The following ELAVL2 variants were observed in gnomAD, a reference collection of about 807,000 sequenced individuals.
ELAVL2 encodes ELAV-like protein 2.
ELAVL2 carries 4 observed loss-of-function variants against 34.6 expected under a neutral mutation model. The observed-to-expected ratio is 0.12, with a 90% confidence interval of 0.06 to 0.26. The LOEUF is 0.26. ELAVL2 is among the 10% of genes least tolerant of loss of function. The pLI, the probability that ELAVL2 is intolerant of heterozygous loss-of-function variation, is 1.00. For synonymous variants in ELAVL2, 193 were observed against 154.8 expected (o/e 1.25, Z -1.83); for missense variants, 432 against 442.8 (o/e 0.98, Z 0.22).
intron 2 of ELAVL2, among the ~76,000 whole-genome samples, chr9:23,734,470 G>C (rs1737983260): frequency 6.6e-6 from 1 of 152,166 alleles, no homozygotes; most frequent in Non-Finnish European, 1.5e-5. Flanking sequence ...AGGACTTGAA[G>C]TCAGGACTTT....
the ELAVL2 span, among the ~76,000 whole-genome samples, chr9:23,843,573 G>T: frequency 6.6e-6 from 1 of 152,056 alleles, no homozygotes; most frequent in South Asian, 2.1e-4. Context: ...AAGTGAAATT[G>T]CTTAAATTGA....
At chr9:23,830,123 G>A (rs950386235), upstream of ELAVL2, 2 of 152,182 alleles carry the variant, frequency 1.3e-5, no homozygotes, top group Non-Finnish European at 2.9e-5. Context: ...TCTTCGAAAA[G>A]TCTGGTAAAC....
intron 3 of ELAVL2, among the ~76,000 whole-genome samples, chr9:23,712,973 C>G (rs1416147553): frequency 6.6e-6 from 1 of 152,288 alleles, no homozygotes; most frequent in East Asian, 1.9e-4. Flanking sequence ...ATTAGACCAC[C>G]TTTTTCACAC....
At chr9:23,842,915 C>T in the ELAVL2 span, among the ~76,000 whole-genome samples, 1 of 152,084 alleles carries the variant, frequency 6.6e-6, no homozygotes. Context: ...ACTGAACTGG[C>T]TTCAATGAAC....
intron 2 of ELAVL2, among the ~76,000 whole-genome samples, chr9:23,740,067 A>G (rs1471623061): frequency 6.6e-6 from 1 of 151,590 alleles, no homozygotes; most frequent in African/African-American, 2.4e-5. Flanking sequence ...TTCTTCTTGA[A>G]CACATTTTTC....
chr9:23,693,013 A>T (rs1475517220), intron 6 of ELAVL2, 129 bp from the exon 7 acceptor site: 1 of 830,436 alleles, frequency 1.2e-6, no homozygotes, highest in Non-Finnish European at 1.8e-6. Context: ...CAAATATATA[A>T]ACTATTTCAT....
At chr9:23,767,527 T>G (rs2056529950) in intron 1 of ELAVL2, among the ~76,000 whole-genome samples, 1 of 152,168 alleles carries the variant, frequency 6.6e-6, no homozygotes, top group Admixed American at 6.5e-5. Context: ...ACGTCTGTAA[T>G]CCCAGCACTT....
chr9:23,815,087 T>G, intron 1 of ELAVL2, among the ~76,000 whole-genome samples: 1 of 152,122 alleles, frequency 6.6e-6, no homozygotes, highest in East Asian at 1.9e-4. Flanking sequence ...CTATGTAAAC[T>G]CCATTTTGTG....
intron 3 of ELAVL2, among the ~76,000 whole-genome samples, chr9:23,721,506 C>T (rs572873402): frequency 9.2e-5 from 14 of 152,202 alleles, no homozygotes; most frequent in Non-Finnish European, 1.8e-4. Context: ...GAACAGAACA[C>T]AAATCCAAGA....
At chr9:23,752,566 T>A (rs1443931344) in intron 2 of ELAVL2, among the ~76,000 whole-genome samples, 1 of 152,004 alleles carries the variant, frequency 6.6e-6, no homozygotes, top group Non-Finnish European at 1.5e-5. Flanking sequence ...GCGATTCTCC[T>A]GTCTCAGCCT....
At chr9:23,821,338 C>T (rs2064668972) in intron 1 of ELAVL2, 1 of 152,478 alleles carries the variant, frequency 6.6e-6, no homozygotes, top group Non-Finnish European at 1.5e-5. Flanking sequence ...CCGCCCCCAA[C>T]CTGCTTGTGC....
At chr9:23,709,380 ACT>A (rs1399792404) in intron 3 of ELAVL2, among the ~76,000 whole-genome samples, 1 of 151,962 alleles carries the variant, frequency 6.6e-6, no homozygotes, top group African/African-American at 2.4e-5. Flanking sequence ...AAGGACTCAC[ACT>A]CTGGAGATCA....
the ELAVL2 span, among the ~76,000 whole-genome samples, chr9:23,834,539 G>A: frequency 6.6e-6 from 1 of 151,978 alleles, no homozygotes; most frequent in African/African-American, 2.4e-5. Context: ...AAAACTTCCT[G>A]ACATGGAGGA....
At chr9:23,778,190 G>C (rs1225576710) in intron 1 of ELAVL2, among the ~76,000 whole-genome samples, 1 of 152,148 alleles carries the variant, frequency 6.6e-6, no homozygotes, top group Non-Finnish European at 1.5e-5. Flanking sequence ...AATGGACTCT[G>C]CTTAAATAAA....
chr9:23,731,278 T>G (rs1343135728), intron 2 of ELAVL2, among the ~76,000 whole-genome samples, 153 bp from the exon 3 acceptor site: 1 of 152,006 alleles, frequency 6.6e-6, no homozygotes, highest in Non-Finnish European at 1.5e-5. Context: ...ATACATGAAG[T>G]CTTTATGTCT....
chr9:23,742,714 T>C (rs139739923), intron 2 of ELAVL2, among the ~76,000 whole-genome samples: 41 of 152,302 alleles, frequency 2.7e-4, no homozygotes, highest in African/African-American at 9.9e-4. Flanking sequence ...GGAAGTAAAT[T>C]TCCAAAGGAC....
At position 23,690,320 on chromosome 9, in the gene ELAVL2, C is replaced by T. The variant is rs983099674; in HGVS notation, c.*2237G>A. Reference sequence around the variant, plus strand: ...ACACTGTAAAGTGAAGCACAATTTGCATGCCCTCTCATCAATGCCTTGGTT... The same window carrying T: ...ACACTGTAAAGTGAAGCACAATTTGTATGCCCTCTCATCAATGCCTTGGTT... On this transcript the variant is annotated 3_prime_UTR_variant, in exon 7 of 7. Transcript: ENST00000397312. 3.3e-5 allele frequency: 5 copies of T among 152,608 alleles called. No individual in the cohort carries two copies. Among genetic ancestry groups the T allele is most frequent in the Non-Finnish European group, 4.4e-5 (3 of 68,016 alleles). The allele number at this position is 152,608 out of a possible 1,614,324, so 9.5% of individuals were successfully genotyped here. A position where few individuals can be genotyped will look rare whatever the true frequency, so the allele number is the denominator to read the frequency against.
At position 23,692,745 on chromosome 9, in the gene ELAVL2, G is replaced by T. The variant is rs771275882; in HGVS notation, c.892C>A (p.Pro298Thr). 6.2e-7 allele frequency: 1 copy of T among 1,614,156 alleles called. No homozygotes were observed. Among genetic ancestry groups the T allele is most frequent in the Non-Finnish European group, 8.5e-7 (1 of 1,180,008 alleles). Residue 298 changes from proline (P) to threonine (T), a missense_variant, in exon 7 of 7, where the codon CCT becomes ACT. Coordinates refer to ENST00000397312, the MANE Select transcript of ELAVL2 (RefSeq NM_004432.5). ...TTCACATTGGTGACAGCTCCAAAAG[G>T]CCCAAACATTTGCCACAGGATACTC... is the stretch of plus-strand genomic sequence containing the variant. ...DESILWQMFG[P>T]FGAVTNVKVI... is the part of the protein sequence containing the mutation.
chr9:23,797,755 C>T (rs1334941907), intron 1 of ELAVL2, among the ~76,000 whole-genome samples: 2 of 152,030 alleles, frequency 1.3e-5, no homozygotes, highest in Admixed American at 1.3e-4. Context: ...TGGAGAAAAC[C>T]CCGCCTCTGC....
Sources: allele counts gnomAD v4.1 joint callset (sites outside exome capture counted in the v4.1 genomes callset), GRCh38; gene constraint gnomAD v4.1.1; transcripts MANE v1.5; gene names NCBI Gene and HGNC (gene_info 2026-07-23, HGNC 2026-07-21).